Variants in ANXA11 observed in about 807,000 individuals in gnomAD.
ANXA11 encodes the protein 56 kDa autoantigen.
Under a neutral mutation model 64.7 loss-of-function variants are expected in ANXA11, and 57 were observed. That is an observed-to-expected ratio of 0.88 (90% confidence interval 0.71 to 1.10). ANXA11 has a LOEUF of 1.10. Ranked by LOEUF, ANXA11 falls within the 50% of genes least tolerant of loss-of-function variation. The pLI is 0.00. For synonymous variants in ANXA11, 260 were observed against 265.2 expected (o/e 0.98, Z 0.19); for missense variants, 675 against 670.7 (o/e 1.01, Z -0.07).
At chr10:80,193,408 T>C (rs563713029) in intron 1 of ANXA11, among the ~76,000 whole-genome samples, 3 of 152,294 alleles carry the variant, frequency 2.0e-5, no homozygotes, top group South Asian at 4.1e-4. Flanking sequence ...CTGGCTTCAT[T>C]ATAAGCCTTT....
intron 2 of ANXA11, among the ~76,000 whole-genome samples, chr10:80,175,640 T>C (rs1846142984): frequency 6.6e-6 from 1 of 151,872 alleles, no homozygotes; most frequent in Non-Finnish European, 1.5e-5. Context: ...ATTAATATAA[T>C]AAGAAAAAGA....
At position 80,163,553 on chromosome 10, in the gene ANXA11, A is replaced by T. The variant is rs138124217; in HGVS notation, c.1010T>A (p.Leu337His). The change falls in exon 10 of 16, where the codon CTC becomes CAC. Residue 337 changes from leucine to histidine, a missense_variant. Leu to His is a moderately conservative substitution (Grantham distance 99). Transcript: ENST00000422982. ...AAGTACCTGAGAGAGAGAGATGAGGAGCCGCTGGAAGTGCCCTGATGTGTC... is the reference window on the plus strand; with the variant it reads ...AAGTACCTGAGAGAGAGAGATGAGGTGCCGCTGGAAGTGCCCTGATGTGTC... ...RSDTSGHFQR[L>H]LISLSQGNRD... is the part of the protein sequence containing the mutation. 3.9e-4 allele frequency: 613 copies of T among 1,575,482 alleles called. No individual in the cohort carries two copies. Among genetic ancestry groups the T allele is most frequent in the Non-Finnish European group, 5.0e-4 (585 of 1,159,850 alleles).
At chr10:80,174,614 C>A (rs1161799642) in intron 2 of ANXA11, among the ~76,000 whole-genome samples, 1 of 152,144 alleles carries the variant, frequency 6.6e-6, no homozygotes, top group Non-Finnish European at 1.5e-5. Context: ...CTCTATCACC[C>A]AGGCTGGAGT....
chr10:80,161,268 C>A (rs1269778365), intron 12 of ANXA11, among the ~76,000 whole-genome samples: 1 of 152,214 alleles, frequency 6.6e-6, no homozygotes, highest in Non-Finnish European at 1.5e-5. Flanking sequence ...TGCTGGGAGC[C>A]CCAGGCAGGC....
chr10:80,177,529 C>T (rs1846215023), intron 1 of ANXA11, among the ~76,000 whole-genome samples: 1 of 152,176 alleles, frequency 6.6e-6, no homozygotes, highest in African/African-American at 2.4e-5. Context: ...CCCCCTCTCT[C>T]TCAGCTTTGT....
chr10:80,167,215 G>T lies in ANXA11; in HGVS notation c.649+11C>A, dbSNP rs767571964. ...CAGGGAGTAGGATTTGAGCCACCCA[G>T]GGTCTCTTACCGAAGCCTTTCATGG... On this transcript the variant is annotated intron_variant, in intron 6 of 15. Coordinates refer to ENST00000422982, the MANE Select transcript of ANXA11 (RefSeq NM_145868.2). 33 of 1,613,232 alleles carry T rather than the reference G, an allele frequency of 2.0e-5. No homozygotes were observed. The highest frequency in any genetic ancestry group is 1.7e-4 in the Middle Eastern group (1 of 5,894).
Position 80,166,074 on chromosome 10 carries a change from ACG to A in ANXA11, c.858+8_858+9del. On this transcript the variant is annotated splice_region_variant and intron_variant, in intron 8 of 15. Transcript: ENST00000422982. ...CACACACACACACACACACACACAC[ACG>A]TACACACCTTGATGGCTTCCTTTAT... 2 of 1,456,698 alleles carry A rather than the reference ACG, an allele frequency of 1.4e-6. No homozygotes were observed. The highest frequency in any genetic ancestry group is 9.6e-7 in the Non-Finnish European group (1 of 1,040,516). The allele number at this position is 1,456,698 out of a possible 1,614,324, so 90.2% of individuals were successfully genotyped here.
chr10:80,184,677 C>A (rs549567713), intron 1 of ANXA11, among the ~76,000 whole-genome samples: 1 of 152,142 alleles, frequency 6.6e-6, no homozygotes, highest in Non-Finnish European at 1.5e-5. Flanking sequence ...GACTCAGGTG[C>A]TGATTCACCT....
intron 1 of ANXA11, among the ~76,000 whole-genome samples, chr10:80,183,543 A>G (rs1160417356): frequency 6.6e-6 from 1 of 152,250 alleles, no homozygotes; most frequent in East Asian, 1.9e-4. Context: ...TGGCTTGCTC[A>G]CATCACACGG....
chr10:80,188,935 C>T (rs1428207856), intron 1 of ANXA11, among the ~76,000 whole-genome samples: 2 of 152,056 alleles, frequency 1.3e-5, no homozygotes, highest in African/African-American at 2.4e-5. Context: ...CTTAGGGTCC[C>T]GGGGCCTCAG....
chr10:80,200,701 A>G (rs2132509399), intron 1 of ANXA11, among the ~76,000 whole-genome samples: 1 of 152,318 alleles, frequency 6.6e-6, no homozygotes, highest in East Asian at 1.9e-4. Context: ...CGCCCATGAA[A>G]CATGTTAATA....
At chr10:80,191,809 A>G (rs1322783802) in intron 1 of ANXA11, among the ~76,000 whole-genome samples, 1 of 152,190 alleles carries the variant, frequency 6.6e-6, no homozygotes, top group East Asian at 1.9e-4. Flanking sequence ...ACACCCCATC[A>G]GCCAGGACCT....
intron 1 of ANXA11, among the ~76,000 whole-genome samples, chr10:80,183,849 T>A (rs1460797371): frequency 6.6e-6 from 1 of 152,160 alleles, no homozygotes; most frequent in Non-Finnish European, 1.5e-5. Flanking sequence ...CCCCCATAAC[T>A]ATGAAGACGA....
intron 3 of ANXA11, among the ~76,000 whole-genome samples, chr10:80,172,464 G>A (rs1287582362): frequency 1.3e-5 from 2 of 152,110 alleles, no homozygotes; most frequent in African/African-American, 4.8e-5. Context: ...ACCTAATGAG[G>A]GAGAAATCCT....
At chr10:80,188,279 T>A (rs1846622309) in intron 1 of ANXA11, among the ~76,000 whole-genome samples, 1 of 151,870 alleles carries the variant, frequency 6.6e-6, no homozygotes, top group African/African-American at 2.4e-5. Context: ...TCTGATATCA[T>A]CTTCTAACAC....
At chr10:80,170,143 G>T (rs1238733501) in intron 4 of ANXA11, among the ~76,000 whole-genome samples, 3 of 152,018 alleles carry the variant, frequency 2.0e-5, no homozygotes, top group Non-Finnish European at 4.4e-5. Flanking sequence ...TTGACTTAAG[G>T]TACTGCCTGT....
At chr10:80,171,165 T>C in intron 3 of ANXA11, 1 of 1,378,668 alleles carries the variant, frequency 7.3e-7, no homozygotes, top group Non-Finnish European at 9.4e-7. Context: ...CAAGACCCTC[T>C]GTGGGGTATT....
intron 1 of ANXA11, among the ~76,000 whole-genome samples, chr10:80,178,249 T>A (rs1187837739): frequency 1.3e-5 from 2 of 151,870 alleles, no homozygotes; most frequent in Admixed American, 6.6e-5. Flanking sequence ...TCCATGAGAA[T>A]CATACCTTTC....
At chr10:80,188,650 C>T (rs1418220280) in intron 1 of ANXA11, among the ~76,000 whole-genome samples, 1 of 151,914 alleles carries the variant, frequency 6.6e-6, no homozygotes, top group Non-Finnish European at 1.5e-5. Context: ...TTAACCTCTC[C>T]GAACCTCCAT....
Sources: gnomAD v4.1 joint callset for allele counts (sites outside exome capture counted in the v4.1 genomes callset) on GRCh38, gnomAD v4.1.1 for gene constraint, MANE v1.5 for transcripts, NCBI Gene and HGNC (gene_info 2026-07-23, HGNC 2026-07-21) for gene names.